MAST4: variants seen among roughly 807,000 people sequenced by gnomAD.
The protein encoded by MAST4 is microtubule-associated serine/threonine-protein kinase 4.
In MAST4, 89 loss-of-function variants were observed where a neutral mutation model predicts 162.7. The ratio of observed to expected loss-of-function variants is 0.55; its 90% CI spans 0.46 to 0.65. The LOEUF (loss-of-function observed/expected upper bound fraction) is 0.65. Ranked by LOEUF, MAST4 falls within the 30% of genes least tolerant of loss-of-function variation. The pLI is 0.00. For synonymous variants in MAST4, 1,479 were observed against 1,361.1 expected (o/e 1.09, Z -1.91); for missense variants, 3,153 against 3,374.0 (o/e 0.93, Z 1.62).
chr5:66,631,065 GT>G (rs1198664474), intron 1 of MAST4, among the ~76,000 whole-genome samples: 1 of 152,052 alleles, frequency 6.6e-6, no homozygotes. Flanking sequence ...TAGCCTCCAT[GT>G]TTTTTTCTCT....
chr5:66,835,909 C>A (rs1487334087), intron 3 of MAST4, among the ~76,000 whole-genome samples: 2 of 152,056 alleles, frequency 1.3e-5, no homozygotes, highest in Non-Finnish European at 2.9e-5. Flanking sequence ...GTGGCTCACA[C>A]CTGTAATCCC....
Position 66,725,457 on chromosome 5 carries a change from A to G in MAST4, c.364-34252A>G, listed in dbSNP as rs1751455287. Among the ~76,000 whole-genome samples the G allele has an allele frequency of 2.0e-5, 3 of 152,188 alleles. No individual in the cohort carries two copies. In the South Asian group the frequency reaches 6.2e-4, roughly 32 times the overall value. Reference sequence around the variant, plus strand: ...TGCTTCAGCTGCTGTCTGAGCTTTAATGGTTCTATTATCAACAAATATGAA... The same window carrying G: ...TGCTTCAGCTGCTGTCTGAGCTTTAGTGGTTCTATTATCAACAAATATGAA... On this transcript the variant is annotated intron_variant, in intron 1 of 28. Coordinates refer to ENST00000403625, the MANE Select transcript of MAST4 (RefSeq NM_001164664.2).
At position 67,053,853 on chromosome 5, in the gene MAST4, A is replaced by G. The variant is rs533669403; in HGVS notation, c.675-551A>G. ...GGATCTGATTTTATGATTCCAGAAC[A>G]TTTACCTTAATAAAGAATTGAATGC... On this transcript the variant is annotated intron_variant, in intron 4 of 28. Transcript: ENST00000403625. Among the ~76,000 whole-genome samples, 167 of 152,320 alleles carry G rather than the reference A, an allele frequency of 1.1e-3. 1 individual carries two copies. Among genetic ancestry groups the G allele is most frequent in the African/African-American group, 3.8e-3 (157 of 41,564 alleles).
At chr5:67,044,303 C>T (rs1198248734) in intron 4 of MAST4, among the ~76,000 whole-genome samples, 3 of 152,114 alleles carry the variant, frequency 2.0e-5, no homozygotes, top group Admixed American at 1.3e-4. Flanking sequence ...TGAGGTCCTT[C>T]CTGTAAATAC....
At chr5:67,049,179 A>C (rs919666683) in intron 4 of MAST4, among the ~76,000 whole-genome samples, 1 of 151,022 alleles carries the variant, frequency 6.6e-6, no homozygotes, top group Non-Finnish European at 1.5e-5. Context: ...GACTTCAGAG[A>C]GTACATTTTG....
rs117658069 is a variant in MAST4, at chr5:66,691,828, C to T, written c.364-67881C>T. Among the ~76,000 whole-genome samples the T allele has an allele frequency of 2.7e-3, 418 of 152,192 alleles. 14 individuals are homozygous for T. The East Asian group carries it at 0.066, about 24-fold the overall frequency. ...GTTAGGATTTCAATATGAATTTTGG[C>T]GGAACACAGACATTCAGTCTATTGT... On this transcript the variant is annotated intron_variant, in intron 1 of 28. Coordinates refer to ENST00000403625, the MANE Select transcript of MAST4 (RefSeq NM_001164664.2).
intron 4 of MAST4, among the ~76,000 whole-genome samples, chr5:67,048,450 A>T (rs1757644975): frequency 6.6e-6 from 1 of 152,208 alleles, no homozygotes; most frequent in Admixed American, 6.5e-5. Flanking sequence ...TGAAGTGAAC[A>T]TGTATCAAAT....
At chr5:67,153,052 TC>T (rs1270845559) in intron 25 of MAST4, among the ~76,000 whole-genome samples, 186 bp downstream of exon 25, 1 of 152,260 alleles carries the variant, frequency 6.6e-6, no homozygotes, top group African/African-American at 2.4e-5. Context: ...AACGAATATC[TC>T]ATAATTCTGT....
chr5:66,661,121 GA>G (rs1746880265), intron 1 of MAST4, among the ~76,000 whole-genome samples: 2 of 152,202 alleles, frequency 1.3e-5, no homozygotes, highest in Non-Finnish European at 2.9e-5. Context: ...TCAGTGGCAA[GA>G]AACGCAACGT....
chr5:66,962,900 A>G (rs1477274584), intron 4 of MAST4, among the ~76,000 whole-genome samples: 2 of 152,174 alleles, frequency 1.3e-5, no homozygotes, highest in Non-Finnish European at 2.9e-5. Context: ...TATTAGATCT[A>G]TTGGTTAAAT....
chr5:66,933,955 T>A (rs2174975), intron 4 of MAST4, among the ~76,000 whole-genome samples: 13,110 of 152,118 alleles, frequency 0.086, 740 homozygotes, highest in African/African-American at 0.16. Flanking sequence ...GCCTCCTGAG[T>A]AGCTGAGATT....
At chr5:66,836,639 T>C (rs1482992054) in intron 3 of MAST4, among the ~76,000 whole-genome samples, 1 of 152,174 alleles carries the variant, frequency 6.6e-6, no homozygotes, top group African/African-American at 2.4e-5. Context: ...TCATGTCCTT[T>C]GCAGCAACAT....
chr5:66,616,388 A>G (rs1317743577), intron 1 of MAST4, among the ~76,000 whole-genome samples: 1 of 152,152 alleles, frequency 6.6e-6, no homozygotes, highest in Admixed American at 6.6e-5. Context: ...CAAATAATAC[A>G]TAGGAATTAG....
intron 4 of MAST4, among the ~76,000 whole-genome samples, chr5:66,921,455 C>G (rs1764529399): frequency 6.6e-6 from 1 of 152,012 alleles, no homozygotes; most frequent in South Asian, 2.1e-4. Context: ...AAAAATAGTA[C>G]AACTAAAGAT....
In MAST4 at chr5:67,149,371, C is replaced by G. The variant is rs760300797; in HGVS notation, c.3095-18C>G. 16 of 1,605,046 alleles carry G rather than the reference C, an allele frequency of 1.0e-5. 1 individual carries two copies. The South Asian group carries it at 1.8e-4, about 18-fold the overall frequency. On this transcript the variant is annotated intron_variant, in intron 23 of 28. Coordinates refer to ENST00000403625, the MANE Select transcript of MAST4 (RefSeq NM_001164664.2). The stretch of plus-strand genomic sequence containing the variant: ...CCTGGATTTTCCTGAATGTGTTTAT[C>G]CCTTCTTCTTTGTACAGTTGGCAGT...
chr5:67,166,066 A>C lies in MAST4; in HGVS notation c.6887A>C (p.Glu2296Ala). ...PQPTSGGRPL[E>A]VLEKPVHLPR... ...CCCACCAGTGGTGGGCGGCCCCTGG[A>C]GGTGCTGGAGAAGCCTGTGCATTTG... The change falls in exon 29 of 29, where the codon GAG becomes GCG. Residue 2296 changes from glutamate to alanine, a missense_variant. By Grantham distance (107) the Glu-to-Ala change is moderately radical. Around this residue, in one of 7 missense-constraint regions of MAST4, gnomAD observed 1,644 missense variants for 1,495.0 expected, o/e 1.10. Coordinates refer to ENST00000403625, the MANE Select transcript of MAST4 (RefSeq NM_001164664.2). 1 of 1,613,674 alleles carries C rather than the reference A, an allele frequency of 6.2e-7. No homozygotes were observed. Among genetic ancestry groups the C allele is most frequent in the Non-Finnish European group, 8.5e-7 (1 of 1,179,784 alleles).
chr5:66,904,284 T>C (rs1302555537), intron 4 of MAST4, among the ~76,000 whole-genome samples: 7 of 152,180 alleles, frequency 4.6e-5, no homozygotes, highest in Non-Finnish European at 1.0e-4. Flanking sequence ...CTTTGTGTTT[T>C]GTTAATTGCC....
chr5:66,819,964 A>AT (rs35712503), intron 3 of MAST4, among the ~76,000 whole-genome samples: 2,444 of 132,130 alleles, frequency 0.018, 52 homozygotes, highest in African/African-American at 0.048. Context: ...TTTTCTTTTA[A>AT]TTTTTTTTTT....
chr5:67,039,695 CTG>C (rs1236556273), intron 4 of MAST4, among the ~76,000 whole-genome samples: 2 of 152,184 alleles, frequency 1.3e-5, no homozygotes, highest in African/African-American at 4.8e-5. Flanking sequence ...AACTGAAGCA[CTG>C]TGTCTCATCC....
Sources: allele counts gnomAD v4.1 joint callset (sites outside exome capture counted in the v4.1 genomes callset), GRCh38; gene constraint gnomAD v4.1.1; regional missense constraint gnomAD v4.1.1; transcripts MANE v1.5; gene names NCBI Gene and HGNC (gene_info 2026-07-23, HGNC 2026-07-21).